Variants in NOC4L observed in about 807,000 individuals in gnomAD.
NOC4L encodes the protein nucleolar complex protein 4 homolog.
In NOC4L, 40 loss-of-function variants were observed where a neutral mutation model predicts 62.8. The ratio of observed to expected loss-of-function variants is 0.64; its 90% CI spans 0.49 to 0.83. NOC4L has a LOEUF of 0.83. Ranked by LOEUF, NOC4L falls within the 40% of genes least tolerant of loss-of-function variation. The pLI, the probability that NOC4L is intolerant of heterozygous loss-of-function variation, is 0.00. For missense variants in NOC4L, 927 were observed against 701.9 expected (o/e 1.32, Z -3.62); for synonymous variants, 433 against 299.8 (o/e 1.44, Z -4.59).
In NOC4L at chr12:132,150,979, A is replaced by AG. The variant is rs765400964; in HGVS notation, c.907dup. ...CTCCAGCCTGTGTCTGTCTGTCTGCAGGGGGGGCCCTCAGCCTCTTGGCCT... is the reference window on the plus strand; with the variant it reads ...CTCCAGCCTGTGTCTGTCTGTCTGCAGGGGGGGGCCCTCAGCCTCTTGGCCT... On this transcript the variant is annotated splice_acceptor_variant, in intron 9 of 14. Coordinates refer to ENST00000330579, the MANE Select transcript of NOC4L (RefSeq NM_024078.3). LOFTEE classifies it high-confidence loss of function. 1.3e-5 allele frequency: 21 copies of AG among 1,599,984 alleles called. No homozygotes were observed. The highest frequency in any genetic ancestry group is 2.2e-5 in the East Asian group (1 of 44,830).
chr12:132,151,450 C>T (rs757639124), intron 11 of NOC4L, 34 bp from the exon 12 acceptor site: 6 of 1,599,862 alleles, frequency 3.8e-6, no homozygotes, highest in African/African-American at 1.3e-5. Flanking sequence ...GGCTAGCAGT[C>T]CGGGCCCTGT....
In NOC4L at chr12:132,147,978, G is replaced by A. The variant is rs370940839; in HGVS notation, c.702G>A (p.Ala234=). 16 of 1,611,092 alleles carry A rather than the reference G, an allele frequency of 9.9e-6. No individual in the cohort carries two copies. In the Admixed American group the frequency reaches 1.2e-4, roughly 12 times the overall value. Residue 234 remains alanine (A), a splice_region_variant and synonymous_variant, in exon 6 of 15, where the codon GCG becomes GCA. Transcript: ENST00000330579. ...TCTCCAGCTTCTATGTGAAGCGGGC[G>A]GGTGAGTGTGCTGAGAGTCAGGGGC... ...PTVSSFYVKR[A]ELWDTWKVAH...
At chr12:132,147,184 C>G (rs765368796) in intron 3 of NOC4L, 97 bp from the exon 4 acceptor site, 3 of 936,026 alleles carry the variant, frequency 3.2e-6, no homozygotes, top group Non-Finnish European at 3.0e-6. Context: ...TTTCTCAGCT[C>G]TGGGCCTAGA....
intron 3 of NOC4L, chr12:132,146,490 C>T (rs766746874): frequency 1.5e-5 from 6 of 396,722 alleles, no homozygotes; most frequent in Non-Finnish European, 2.6e-5. Context: ...AGTGGAATTA[C>T]AAGGCCACAC....
intron 4 of NOC4L, 42 bp from the exon 5 acceptor site, chr12:132,147,591 A>G (rs768385174): frequency 2.8e-5 from 45 of 1,603,224 alleles, no homozygotes; most frequent in Non-Finnish European, 3.7e-5. Context: ...TTGCTGGCGT[A>G]TGCTGGGCCG....
At chr12:132,149,089 A>G (rs866042662) in intron 9 of NOC4L, among the ~76,000 whole-genome samples, 194 bp downstream of exon 9, 140 of 5,784 alleles carry the variant, frequency 0.024, 1 homozygote, top group African/African-American at 0.028. Flanking sequence ...CCGCCGCCTC[A>G]CTCCTACCAC....
At position 132,148,612 on chromosome 12, in the gene NOC4L, C is replaced by T. The variant is rs1279278191; in HGVS notation, c.742C>T (p.His248Tyr). The T allele has an allele frequency of 3.9e-6, 6 of 1,548,150 alleles. No individual in the cohort carries two copies. In the South Asian group the frequency reaches 4.8e-5, roughly 12 times the overall value. ...TGCAGTCTGGACCCCGTTGCAGGAG[C>T]ACAGGAGGGTTTTCCAGGCCATGTG... is the stretch of plus-strand genomic sequence containing the variant. ...DTWKVAHLKE[H>Y]RRVFQAMWLS... Residue 248 changes from histidine to tyrosine, a missense_variant, in exon 8 of 15, where the codon CAC (histidine) becomes TAC (tyrosine). Physicochemically the swap from His to Tyr is moderately conservative, Grantham distance 83. Coordinates refer to ENST00000330579, the MANE Select transcript of NOC4L (RefSeq NM_024078.3).
At chr12:132,144,711 G>A (rs1897640779) in intron 1 of NOC4L, 106 bp downstream of exon 1, 1 of 1,447,490 alleles carries the variant, frequency 6.9e-7, no homozygotes, top group Non-Finnish European at 9.1e-7. Context: ...GCGTTGGGGG[G>A]TCAGGGTGGG....
At chr12:132,144,739 G>T in intron 1 of NOC4L, 115 bp from the exon 2 acceptor site, 4 of 1,478,840 alleles carry the variant, frequency 2.7e-6, no homozygotes, top group Non-Finnish European at 3.6e-6. Context: ...TGGGTCACGG[G>T]TCGGGGGTGA....
In NOC4L at chr12:132,147,301, C is replaced by T. The variant is rs1204297086; in HGVS notation, c.366C>T (p.Leu122=). Residue 122 remains leucine, a synonymous_variant, in exon 4 of 15, where the codon CTC becomes CTT. Coordinates refer to ENST00000330579, the MANE Select transcript of NOC4L (RefSeq NM_024078.3). ...FQVKELALSA[L]LKFVQLEGAH... Reference sequence around the variant, plus strand: ...CCCAGGAGCTGGCCCTCAGCGCACTCCTGAAGTTCGTGCAGCTGGAAGGAG... The same window carrying T: ...CCCAGGAGCTGGCCCTCAGCGCACTTCTGAAGTTCGTGCAGCTGGAAGGAG... 1 of 1,570,900 alleles carries T rather than the reference C, an allele frequency of 6.4e-7. No homozygotes were observed. The highest frequency in any genetic ancestry group is 1.8e-5 in the Admixed American group (1 of 54,554).
chr12:132,150,913 C>T (rs1296926896), intron 9 of NOC4L, 68 bp from the exon 10 acceptor site: 14 of 1,168,198 alleles, frequency 1.2e-5, no homozygotes, highest in South Asian at 6.8e-5. Context: ...GACTTACACT[C>T]AGTGTGGGCA....
rs1349906362 is a variant in NOC4L at position 132,148,893 on chromosome 12, TCGG to T, written c.900_901+1del. ...GACTTCCTCACCCGCGCCTGCGACC[TCGG>T]TGAGTGCCGCCGCCTCGCTCACACC... is the stretch of plus-strand genomic sequence containing the variant. On this transcript the variant is annotated splice_donor_variant and coding_sequence_variant, in exon 9 of 15. Coordinates refer to ENST00000330579, the MANE Select transcript of NOC4L (RefSeq NM_024078.3). LOFTEE classifies it high-confidence loss of function. 333 of 1,357,806 alleles carry T rather than the reference TCGG, an allele frequency of 2.5e-4. 10 individuals are homozygous for T. In the African/African-American group the frequency reaches 4.3e-3, roughly 18 times the overall value. 84.1% of individuals were successfully genotyped at this position (1,357,806 alleles called of 1,614,324 possible). A position where few individuals can be genotyped will look rare whatever the true frequency, so the allele number is the denominator to read the frequency against.
chr12:132,144,465 G>C lies in NOC4L; in HGVS notation c.-24G>C. 1 of 1,501,470 alleles carries C rather than the reference G, an allele frequency of 6.7e-7. No individual in the cohort carries two copies. The highest frequency in any genetic ancestry group is 8.8e-7 in the Non-Finnish European group (1 of 1,138,394). The allele number at this position is 1,501,470 out of a possible 1,614,324, so 93.0% of individuals were successfully genotyped here. On this transcript the variant is annotated 5_prime_UTR_variant, in exon 1 of 15. Coordinates refer to ENST00000330579, the MANE Select transcript of NOC4L (RefSeq NM_024078.3). ...CGGGAGCGCCGGCGGCTGAGAATCCGCGTTGTTCCGTGTTGGGGGCGGCAT... is the reference window on the plus strand; with the variant it reads ...CGGGAGCGCCGGCGGCTGAGAATCCCCGTTGTTCCGTGTTGGGGGCGGCAT...
At chr12:132,152,006 G>T in intron 13 of NOC4L, 78 bp from the exon 14 acceptor site, 1 of 1,412,886 alleles carries the variant, frequency 7.1e-7, no homozygotes, top group East Asian at 2.4e-5. Flanking sequence ...ACTCTGGTTG[G>T]GAGCACAGGG....
At chr12:132,147,505 T>C in intron 4 of NOC4L, 117 bp downstream of exon 4, 1 of 1,444,050 alleles carries the variant, frequency 6.9e-7, no homozygotes, top group Non-Finnish European at 9.3e-7. Context: ...GGGACACTCC[T>C]GTGGCTCCTG....
chr12:132,146,478 T>C, intron 3 of NOC4L: 1 of 409,568 alleles, frequency 2.4e-6, no homozygotes, highest in Non-Finnish European at 5.0e-6. Flanking sequence ...ATATGCCTTA[T>C]CAGTGGAATT....
At chr12:132,146,335 G>A (rs979772592) in intron 3 of NOC4L, 26 of 456,052 alleles carry the variant, frequency 5.7e-5, no homozygotes, top group African/African-American at 1.4e-4. Context: ...GCAGCGCGTC[G>A]TATAGCACAG....
In NOC4L at chr12:132,144,477, GT is replaced by G. The variant is rs532409250; in HGVS notation, c.-10del. ...CGGCTGAGAATCCGCGTTGTTCCGT[GT>G]TGGGGGCGGCATGGAGCGGGAGCCG... On this transcript the variant is annotated 5_prime_UTR_variant, in exon 1 of 15. Transcript: ENST00000330579. 1.3e-4 allele frequency: 197 copies of G among 1,519,684 alleles called. No individual in the cohort carries two copies. In the African/African-American group the frequency reaches 2.4e-3, roughly 18 times the overall value. The allele number at this position is 1,519,684 out of a possible 1,614,324, so 94.1% of individuals were successfully genotyped here.
At chr12:132,145,775 C>T (rs1436200882) in intron 3 of NOC4L, 110 bp downstream of exon 3, 5 of 702,040 alleles carry the variant, frequency 7.1e-6, no homozygotes, top group East Asian at 5.4e-5. Flanking sequence ...AAAGCTGCTT[C>T]CTTCATGGGA....
Sources: allele counts gnomAD v4.1 joint callset (sites outside exome capture counted in the v4.1 genomes callset), GRCh38; gene constraint gnomAD v4.1.1; transcripts MANE v1.5; gene names NCBI Gene and HGNC (gene_info 2026-07-23, HGNC 2026-07-21).